The following TNR variants were observed in gnomAD, a reference collection of about 807,000 sequenced individuals.
TNR encodes tenascin-R.
In TNR, 45 loss-of-function variants were observed where a neutral mutation model predicts 150.4. The observed-to-expected ratio is 0.30, with a 90% CI of 0.24 to 0.38. TNR has a LOEUF of 0.38. Among genes scored for constraint, TNR ranks in the 10% least tolerant of loss-of-function variants. The probability of loss-of-function intolerance (pLI) is 1.00; values close to 1 mark genes in which losing one functional copy is unlikely to be tolerated. For synonymous variants in TNR, 687 were observed against 678.4 expected, an observed-to-expected ratio of 1.01 and a Z score of -0.20; for missense variants, 1,544 against 1,759.1, an observed-to-expected ratio of 0.88 and a Z score of 2.19.
intron 4 of TNR, among the ~76,000 whole-genome samples, chr1:175,400,186 A>G (rs1422025007): frequency 4.7e-5 from 7 of 148,316 alleles, no homozygotes; most frequent in African/African-American, 1.8e-4. Context: ...TTTTTTAATC[A>G]TGTGATGGAG....
At chr1:175,521,952 A>G (rs1488757751) in intron 2 of TNR, among the ~76,000 whole-genome samples, 1 of 152,196 alleles carries the variant, frequency 6.6e-6, no homozygotes, top group East Asian at 1.9e-4. Context: ...TAGCCCCTGG[A>G]GTGCAGCAAG....
At chr1:175,539,403 GT>G (rs948823167) in intron 1 of TNR, among the ~76,000 whole-genome samples, 2 of 152,234 alleles carry the variant, frequency 1.3e-5, no homozygotes, top group Non-Finnish European at 2.9e-5. Context: ...TAATGGAGGT[GT>G]AAACAAACTT....
intron 2 of TNR, among the ~76,000 whole-genome samples, chr1:175,427,076 A>G (rs1452440216): frequency 1.3e-5 from 2 of 149,756 alleles, no homozygotes; most frequent in South Asian, 4.2e-4. Context: ...TGTGTTCTCC[A>G]TTGCACCACT....
chr1:175,453,543 A>ATTAT (rs972970494), intron 2 of TNR, among the ~76,000 whole-genome samples: 2 of 151,830 alleles, frequency 1.3e-5, no homozygotes, highest in African/African-American at 4.8e-5. Flanking sequence ...TTAAACTTTA[A>ATTAT]TTATTTATTT....
chr1:175,355,451 A>G, intron 17 of TNR, 52 bp downstream of exon 17: 4 of 1,597,462 alleles, frequency 2.5e-6, no homozygotes, highest in Non-Finnish European at 2.6e-6. Flanking sequence ...GTCAGTTTCC[A>G]CATGGCCTCA....
At chr1:175,640,449 C>T (rs184114483) in intron 1 of TNR, among the ~76,000 whole-genome samples, 1 of 152,276 alleles carries the variant, frequency 6.6e-6, no homozygotes, top group Admixed American at 6.5e-5. Flanking sequence ...CCAATGCCAG[C>T]CAGAAATTTT....
intron 2 of TNR, among the ~76,000 whole-genome samples, chr1:175,437,354 A>C (rs1393293908): frequency 6.6e-6 from 1 of 152,222 alleles, no homozygotes; most frequent in Non-Finnish European, 1.5e-5. Context: ...AACTTACCAG[A>C]ATCTCTGGGA....
chr1:175,460,670 G>A (rs1324015915), intron 2 of TNR, among the ~76,000 whole-genome samples: 1 of 152,240 alleles, frequency 6.6e-6, no homozygotes, highest in Non-Finnish European at 1.5e-5. Flanking sequence ...TCATAGATGA[G>A]CAAACTGGGC....
chr1:175,464,321 C>T (rs529138317), intron 2 of TNR, among the ~76,000 whole-genome samples: 4 of 152,072 alleles, frequency 2.6e-5, no homozygotes, highest in Non-Finnish European at 4.4e-5. Context: ...ATTCAATATC[C>T]AGAATTAAAG....
chr1:175,459,246 C>T (rs1011669651), intron 2 of TNR, among the ~76,000 whole-genome samples: 1 of 152,094 alleles, frequency 6.6e-6, no homozygotes, highest in African/African-American at 2.4e-5. Context: ...CGACCACCAC[C>T]ATCATCACCT....
At chr1:175,598,703 TAGA>T (rs1056055205) in intron 1 of TNR, among the ~76,000 whole-genome samples, 3 of 152,206 alleles carry the variant, frequency 2.0e-5, no homozygotes, top group Non-Finnish European at 4.4e-5. Context: ...AGTTAGTTTC[TAGA>T]AGGACAGAAT....
intron 1 of TNR, among the ~76,000 whole-genome samples, chr1:175,579,775 C>T (rs1476991909): frequency 6.6e-6 from 1 of 151,828 alleles, no homozygotes; most frequent in African/African-American, 2.4e-5. Context: ...TCAGCAGCAC[C>T]ACCCACCCTT....
At chr1:175,683,068 G>A (rs1340640187) in intron 1 of TNR, among the ~76,000 whole-genome samples, 2 of 152,102 alleles carry the variant, frequency 1.3e-5, no homozygotes, top group African/African-American at 2.4e-5. Context: ...TGTAGTCTGT[G>A]GGCCTGTGAC....
At chr1:175,472,389 A>G (rs1481433729) in intron 2 of TNR, among the ~76,000 whole-genome samples, 1 of 152,246 alleles carries the variant, frequency 6.6e-6, no homozygotes, top group Non-Finnish European at 1.5e-5. Flanking sequence ...TAAAATGACT[A>G]TAAAAAGTGT....
At chr1:175,649,050 T>C (rs1035411106) in intron 1 of TNR, among the ~76,000 whole-genome samples, 2 of 152,168 alleles carry the variant, frequency 1.3e-5, no homozygotes, top group Non-Finnish European at 2.9e-5. Flanking sequence ...GCCGGAGGGA[T>C]TGCAAAGCCA....
intron 2 of TNR, among the ~76,000 whole-genome samples, chr1:175,464,977 C>A (rs1274424189): frequency 6.6e-6 from 1 of 152,078 alleles, no homozygotes; most frequent in African/African-American, 2.4e-5. Context: ...CCTGCCTGTT[C>A]CTAAGTGGGC....
At chr1:175,701,683 T>C (rs1367023536) in intron 1 of TNR, among the ~76,000 whole-genome samples, 1 of 152,192 alleles carries the variant, frequency 6.6e-6, no homozygotes, top group Non-Finnish European at 1.5e-5. Context: ...TTCTTTCAAT[T>C]GTATTAACAA....
chr1:175,563,773 T>A (rs963612484), intron 1 of TNR, among the ~76,000 whole-genome samples: 1 of 152,346 alleles, frequency 6.6e-6, no homozygotes, highest in South Asian at 2.1e-4. Flanking sequence ...GCTGGTATTG[T>A]CCTCACACAC....
intron 1 of TNR, among the ~76,000 whole-genome samples, chr1:175,695,376 T>C (rs1266493312): frequency 6.6e-6 from 1 of 151,682 alleles, no homozygotes; most frequent in Non-Finnish European, 1.5e-5. Context: ...GTCTTTACTG[T>C]AACTTCAGAG....
Sources: gnomAD v4.1 joint callset for allele counts (sites outside exome capture counted in the v4.1 genomes callset) on GRCh38, gnomAD v4.1.1 for gene constraint, MANE v1.5 for transcripts, NCBI Gene and HGNC (gene_info 2026-07-23, HGNC 2026-07-21) for gene names.